BCL9L: variants seen among roughly 807,000 people sequenced by gnomAD.
The protein encoded by BCL9L is B-cell CLL/lymphoma 9-like protein.
BCL9L carries 19 observed loss-of-function variants against 99.4 expected under a neutral mutation model. The ratio of observed to expected loss-of-function variants is 0.19; its 90% CI spans 0.13 to 0.28. The LOEUF is 0.28. BCL9L is among the 10% of genes least tolerant of loss of function. BCL9L has a pLI of 1.00. For synonymous variants in BCL9L, 900 were observed against 854.8 expected (o/e 1.05, Z -0.92); for missense variants, 2,023 against 2,101.6 (o/e 0.96, Z 0.73).
At position 118,908,460 on chromosome 11, in the gene BCL9L, G is replaced by A. The variant is rs746068366; in HGVS notation, c.222C>T (p.Gly74=). The change falls in exon 4 of 10, where the codon GGC becomes GGT. Residue 74 remains glycine (G), a synonymous_variant. Transcript: ENST00000683865. ...QGPTCNVGSK[G]VGAGNHGAKA... ...TGGCCCCATGGTTCCCCGCCCCCACGCCCTTCGAGCCCACGTTGCAGGTGG... is the reference window on the plus strand; with the variant it reads ...TGGCCCCATGGTTCCCCGCCCCCACACCCTTCGAGCCCACGTTGCAGGTGG... 41 of 1,614,096 alleles carry A rather than the reference G, an allele frequency of 2.5e-5. No individual in the cohort carries two copies. Among genetic ancestry groups the A allele is most frequent in the South Asian group, 1.3e-4 (12 of 91,080 alleles).
chr11:118,901,077 T>C lies in BCL9L; in HGVS notation c.2666A>G (p.His889Arg), dbSNP rs1400449618. Reference protein sequence around the residue: ...MSNVGTTRLSHMPLPPASNPP... With the variant: ...MSNVGTTRLSRMPLPPASNPP... The stretch of plus-strand genomic sequence containing the variant: ...ATTGGACGCAGGGGGCAGAGGCATG[T>C]GGCTGAGCCGGGTGGTGCCCACGTT... Residue 889 changes from histidine (H) to arginine (R), a missense_variant, in exon 8 of 10, where the codon CAC (histidine) becomes CGC (arginine). His to Arg is a conservative substitution (Grantham distance 29). This residue lies in a region of BCL9L where 902 missense variants were observed against 888.2 expected (regional missense o/e 1.02). Coordinates refer to ENST00000683865, the MANE Select transcript of BCL9L (RefSeq NM_001378213.1). The surrounding 1 kb of genome is among the most constrained non-coding windows in gnomAD (Gnocchi z 6.6). 6.2e-7 allele frequency: 1 copy of C among 1,605,432 alleles called. No homozygotes were observed. Among genetic ancestry groups the C allele is most frequent in the Non-Finnish European group, 8.5e-7 (1 of 1,174,982 alleles).
intron 3 of BCL9L, among the ~76,000 whole-genome samples, chr11:118,909,701 C>A (rs1279686625): frequency 6.6e-6 from 1 of 152,192 alleles, no homozygotes; most frequent in Non-Finnish European, 1.5e-5. Flanking sequence ...CCCTCTGCCC[C>A]CCACCCAGGC....
rs1183897330 is a variant in BCL9L, at chr11:118,901,726, G to A, written c.2017C>T (p.Arg673Trp). The change falls in exon 8 of 10, where the codon CGG becomes TGG. Residue 673 changes from arginine to tryptophan, a missense_variant. Coordinates refer to ENST00000683865, the MANE Select transcript of BCL9L (RefSeq NM_001378213.1). This position sits in a 1 kb window ranked among gnomAD's most constrained non-coding sequence, Gnocchi z 6.6. The part of the protein sequence containing the change: ...QGEAERFMTP[R>W]VREELLRHQL... ...TGCCGCAGCAGCTCCTCACGGACCC[G>A]GGGAGTCATGAATCGCTCCGCCTCA... 9 of 1,613,310 alleles carry A rather than the reference G, an allele frequency of 5.6e-6. No homozygotes were observed. The highest frequency in any genetic ancestry group is 1.3e-5 in the African/African-American group (1 of 75,058).
chr11:118,900,930 C>T lies in BCL9L; in HGVS notation c.2813G>A (p.Ser938Asn), dbSNP rs1940198010. 1 of 1,566,636 alleles carries T rather than the reference C, an allele frequency of 6.4e-7. No individual in the cohort carries two copies. Among genetic ancestry groups the T allele is most frequent in the Non-Finnish European group, 8.7e-7 (1 of 1,153,240 alleles). The change falls in exon 8 of 10, where the codon AGC becomes AAC. Residue 938 changes from serine (S) to asparagine (N), a missense_variant. Coordinates refer to ENST00000683865, the MANE Select transcript of BCL9L (RefSeq NM_001378213.1). This position sits in a 1 kb window ranked among gnomAD's most constrained non-coding sequence, Gnocchi z 5.3. Reference sequence around the variant, plus strand: ...GGTGACCAGGGGTGAGTGCACCTGGCTAAGGGTGGGCGACTTCAAGTGCCC... The same window carrying T: ...GGTGACCAGGGGTGAGTGCACCTGGTTAAGGGTGGGCGACTTCAAGTGCCC... ...GMGHLKSPTL[S>N]QVHSPLVTSP...
intron 3 of BCL9L, 39 bp from the exon 4 acceptor site, chr11:118,908,694 C>A (rs746634365): frequency 9.6e-6 from 15 of 1,562,430 alleles, no homozygotes; most frequent in Non-Finnish European, 1.3e-5. Context: ...GTTAACCTTG[C>A]TAGGGGCTAG....
chr11:118,903,009 G>T lies in BCL9L; in HGVS notation c.815C>A (p.Pro272His). The T allele has an allele frequency of 6.3e-7, 1 of 1,595,762 alleles. No individual in the cohort carries two copies. ...SILAYHQQNV[P>H]RAKLDQAPKV... is the part of the protein sequence containing the mutation. ...GCTCACCTGGTCAAGCTTGGCCCGG[G>T]GCACGTTCTGCTGGTGGTAGGCGAG... Residue 272 changes from proline to histidine, a missense_variant, in exon 7 of 10, where the codon CCC (proline) becomes CAC (histidine). Physicochemically the swap from Pro to His is moderately conservative, Grantham distance 77. Transcript: ENST00000683865. The surrounding 1 kb of genome is among the most constrained non-coding windows in gnomAD (Gnocchi z 5.6).
chr11:118,903,124 C>T lies in BCL9L; in HGVS notation c.750-50G>A, dbSNP rs750897386. The T allele has an allele frequency of 2.0e-5, 31 of 1,547,944 alleles. No individual in the cohort carries two copies. The highest frequency in any genetic ancestry group is 1.9e-4 in the Middle Eastern group (1 of 5,206). On this transcript the variant is annotated intron_variant, in intron 6 of 9. Transcript: ENST00000683865. The surrounding 1 kb of genome is among the most constrained non-coding windows in gnomAD (Gnocchi z 5.6). ...GCTCAGAGAGGTGAGCAGGAGGGAG[C>T]CCCACCCTCACCCACCCCACCCTGC...
Position 118,899,946 on chromosome 11 carries a change from G to T in BCL9L, c.3377C>A (p.Pro1126His), listed in dbSNP as rs774736403. The T allele has an allele frequency of 3.1e-6, 5 of 1,613,420 alleles. No homozygotes were observed. The highest frequency in any genetic ancestry group is 2.7e-5 in the African/African-American group (2 of 74,934). ...CCCGGAGCCCTGCGGTGGTGGTGGG[G>T]GGGGCAGCAGGGGCCGGTCGGGCAG... ...ELLPDRPLLP[P>H]PPPPQGSGPG... Residue 1126 changes from proline to histidine, a missense_variant, in exon 9 of 10, where the codon CCC (proline) becomes CAC (histidine). By Grantham distance (77) the Pro-to-His change is moderately conservative. Transcript: ENST00000683865.
chr11:118,918,673 G>C (rs1041164734), intron 2 of BCL9L, among the ~76,000 whole-genome samples, 153 bp downstream of exon 2: 1 of 151,790 alleles, frequency 6.6e-6, no homozygotes, highest in African/African-American at 2.4e-5. Context: ...TCTGGAGGGA[G>C]GGGAATGAAA....
rs765297594 is a variant in BCL9L at position 118,908,603 on chromosome 11, G to A, written c.79C>T (p.Arg27Cys). The change falls in exon 4 of 10, where the codon CGC becomes TGC. Residue 27 changes from arginine to cysteine, a missense_variant. Around this residue, in one of 3 missense-constraint regions of BCL9L, gnomAD observed 1,116 missense variants for 1,194.6 expected, o/e 0.93. Transcript: ENST00000683865. ...GCTGGGGCAGGGGGGCAATGACCGCGGGGGGACAGCGGCGGGCTCCCTGGA... is the reference window on the plus strand; with the variant it reads ...GCTGGGGCAGGGGGGCAATGACCGCAGGGGGACAGCGGCGGGCTCCCTGGA... ...EAPGSPPLSPRGHCPPAPAKP... is the reference protein window; with the variant it reads ...EAPGSPPLSPCGHCPPAPAKP... 2.5e-5 allele frequency: 41 copies of A among 1,612,964 alleles called. 1 individual carries two copies. The highest frequency in any genetic ancestry group is 9.9e-5 in the South Asian group (9 of 91,072).
At chr11:118,915,542 C>G (rs1233396267) in intron 2 of BCL9L, among the ~76,000 whole-genome samples, 3 of 152,192 alleles carry the variant, frequency 2.0e-5, no homozygotes, top group Non-Finnish European at 4.4e-5. Context: ...TCCTGGGCAT[C>G]CTGGGCTCAC....
rs185137295 is a variant in BCL9L, at chr11:118,898,554, G to C, written c.4361C>G (p.Ser1454Cys). ...EVYSQPPHML[S>C]PQGSLMGPPP... ...GGGGCCCATGAGGGAGCCCTGCGGGGAGAGCATGTGGGGCGGCTGGCTGTA... is the reference window on the plus strand; with the variant it reads ...GGGGCCCATGAGGGAGCCCTGCGGGCAGAGCATGTGGGGCGGCTGGCTGTA... The change falls in exon 10 of 10, where the codon TCC becomes TGC. Residue 1454 changes from serine to cysteine, a missense_variant. By Grantham distance (112) the Ser-to-Cys change is moderately radical. Around this residue, in one of 3 missense-constraint regions of BCL9L, gnomAD observed 902 missense variants for 888.2 expected, o/e 1.02. Transcript: ENST00000683865. 15 of 1,606,470 alleles carry C rather than the reference G, an allele frequency of 9.3e-6. No homozygotes were observed. The African/African-American group carries it at 1.5e-4, about 16-fold the overall frequency.
At position 118,908,504 on chromosome 11, in the gene BCL9L, G is replaced by C; in HGVS notation, c.178C>G (p.Gln60Glu). 6.2e-7 allele frequency: 1 copy of C among 1,614,140 alleles called. No homozygotes were observed. The highest frequency in any genetic ancestry group is 8.5e-7 in the Non-Finnish European group (1 of 1,180,008). Residue 60 changes from glutamine to glutamate, a missense_variant, in exon 4 of 10, where the codon CAG (glutamine) becomes GAG (glutamate). Transcript: ENST00000683865. ...TGNGGAQSQH[Q>E]NVNQGPTCNV... ...CAGGTGGGTCCTTGGTTCACATTCT[G>C]GTGCTGAGATTGGGCCCCGCCATTC...
chr11:118,899,531 G>A, intron 9 of BCL9L, 23 bp from the exon 10 acceptor site: 5 of 1,602,184 alleles, frequency 3.1e-6, no homozygotes, highest in Non-Finnish European at 4.3e-6. Flanking sequence ...GAAGACAGGG[G>A]GTCAGGCACG....
rs1940047414 is a variant in BCL9L, at chr11:118,898,757, C to T, written c.4158G>A (p.Gly1386=). 1.2e-6 allele frequency: 2 copies of T among 1,613,540 alleles called. No homozygotes were observed. The highest frequency in any genetic ancestry group is 1.7e-4 in the Middle Eastern group (1 of 6,060). ...NLPGQQGVQR[G]LNMSMCHPGQ... ...CAGGGTGGCACATGGACATGTTGAGCCCCCGCTGGACGCCCTGCTGGCCTG... is the reference window on the plus strand; with the variant it reads ...CAGGGTGGCACATGGACATGTTGAGTCCCCGCTGGACGCCCTGCTGGCCTG... The change falls in exon 10 of 10, where the codon GGG becomes GGA. Residue 1386 remains glycine (G), a synonymous_variant. Transcript: ENST00000683865.
chr11:118,904,560 T>C (rs896366557), intron 5 of BCL9L, among the ~76,000 whole-genome samples: 1 of 152,198 alleles, frequency 6.6e-6, no homozygotes, highest in African/African-American at 2.4e-5. Flanking sequence ...GTTCCATGGT[T>C]AGACACTTGA....
Position 118,903,058 on chromosome 11 carries a change from G to A in BCL9L, c.766C>T (p.Leu256=). 1.9e-6 allele frequency: 3 copies of A among 1,585,128 alleles called. No individual in the cohort carries two copies. Among genetic ancestry groups the A allele is most frequent in the Non-Finnish European group, 2.6e-6 (3 of 1,170,372 alleles). The change falls in exon 7 of 10, where the codon CTG becomes TTG. Residue 256 remains leucine, a synonymous_variant. Coordinates refer to ENST00000683865, the MANE Select transcript of BCL9L (RefSeq NM_001378213.1). The surrounding 1 kb of genome is among the most constrained non-coding windows in gnomAD (Gnocchi z 5.6). ...HLANTAAEAV[L]QGRADSILAY... ...AGGATGGAGTCGGCCCGGCCCTGCA[G>A]CACTGCCTCTGCAGCCCTGCACAGA... is the stretch of plus-strand genomic sequence containing the variant.
Position 118,925,441 on chromosome 11 carries a change from G to C in BCL9L, c.-334C>G, listed in dbSNP as rs1368945876. On this transcript the variant is annotated 5_prime_UTR_variant, in exon 1 of 10. Coordinates refer to ENST00000683865, the MANE Select transcript of BCL9L (RefSeq NM_001378213.1). The surrounding 1 kb of genome is among the most constrained non-coding windows in gnomAD (Gnocchi z 6.4). ...CTATCCGGGGATCGCTGGGTGCCTG[G>C]GTTCCTGCCTCCCAACCGCGGAGCA... The C allele has an allele frequency of 1.3e-5, 2 of 152,340 alleles. No homozygotes were observed. The highest frequency in any genetic ancestry group is 2.1e-4 in the South Asian group (1 of 4,832). The allele number at this position is 152,340 out of a possible 1,614,324, so 9.4% of individuals were successfully genotyped here.
chr11:118,902,285 A>G lies in BCL9L; in HGVS notation c.1458T>C (p.His486=), dbSNP rs926079475. ...TQSLGGPPLE[H]EVPGHPPGGD... ...CACCCGGGGGGTGCCCAGGCACTTC[A>G]TGCTCCAGCGGGGGGCCCCCTAGGC... Residue 486 remains histidine, a synonymous_variant, in exon 8 of 10, where the codon CAT becomes CAC. Coordinates refer to ENST00000683865, the MANE Select transcript of BCL9L (RefSeq NM_001378213.1). The surrounding 1 kb of genome is among the most constrained non-coding windows in gnomAD (Gnocchi z 7.8). 2 of 1,586,480 alleles carry G rather than the reference A, an allele frequency of 1.3e-6. No individual in the cohort carries two copies. The highest frequency in any genetic ancestry group is 1.7e-6 in the Non-Finnish European group (2 of 1,164,880).
Sources: gnomAD v4.1 joint callset for allele counts (sites outside exome capture counted in the v4.1 genomes callset) on GRCh38, gnomAD v4.1.1 for gene constraint, gnomAD v4.1.1 regional missense constraint, Gnocchi (gnomAD v3.1) non-coding constraint, MANE v1.5 for transcripts, NCBI Gene and HGNC (gene_info 2026-07-23, HGNC 2026-07-21) for gene names.